The following MDN1 variants were observed in gnomAD, a reference collection of about 807,000 sequenced individuals.
MDN1 encodes the protein midasin AAA ATPase 1.
A neutral mutation model predicts 669.2 loss-of-function variants in MDN1; 266 were observed. The observed-to-expected ratio is 0.40, with a 90% CI of 0.36 to 0.44. The LOEUF is 0.44. Ranked by LOEUF, MDN1 falls within the 20% of genes least tolerant of loss-of-function variation. The pLI is 1.00. For missense variants in MDN1, 5,940 were observed against 6,754.0 expected, an observed-to-expected ratio of 0.88 and a Z score of 4.22; for synonymous variants, 2,385 against 2,457.1, an observed-to-expected ratio of 0.97 and a Z score of 0.87.
intron 97 of MDN1, 56 bp downstream of exon 97, chr6:89,649,968 G>T: frequency 1.9e-6 from 3 of 1,581,416 alleles, no homozygotes; most frequent in Non-Finnish European, 2.6e-6. Context: ...GTGGCCCATG[G>T]AACATAGCTT....
At chr6:89,740,854 A>T (rs1465484753) in intron 31 of MDN1, among the ~76,000 whole-genome samples, 1 of 152,212 alleles carries the variant, frequency 6.6e-6, no homozygotes, top group East Asian at 1.9e-4. Flanking sequence ...CCAGAAAAGA[A>T]ATCTGCAGAG....
chr6:89,785,249 T>G, intron 8 of MDN1, 123 bp from the exon 9 acceptor site: 2 of 681,546 alleles, frequency 2.9e-6, no homozygotes, highest in Non-Finnish European at 2.6e-6. Context: ...TCCCTTCTGT[T>G]TCCAGATACT....
intron 80 of MDN1, 72 bp from the exon 81 acceptor site, chr6:89,672,774 A>C: frequency 6.8e-7 from 1 of 1,472,368 alleles, no homozygotes; most frequent in Non-Finnish European, 9.2e-7. Context: ...TGCCTCTGGA[A>C]ATCATTAAAA....
intron 17 of MDN1, among the ~76,000 whole-genome samples, chr6:89,760,073 A>G (rs1817463027): frequency 6.8e-6 from 1 of 147,058 alleles, no homozygotes; most frequent in African/African-American, 2.5e-5. Context: ...CTCTGTCTCA[A>G]AAAAAAATAA....
rs903149701 is a variant in MDN1, at chr6:89,674,238, G to A, written c.13113C>T (p.Cys4371=). The change falls in exon 79 of 102, where the codon TGC becomes TGT. Residue 4371 remains cysteine (C), a synonymous_variant. Transcript: ENST00000369393. ...PIPGSQLPSG[C]RMRKQDHLWQ... ...AAAGGTGATCCTGTTTCCGCATCCG[G>A]CAACCAGAGGGCAGCTGACTTCCAG... 5 of 1,614,130 alleles carry A rather than the reference G, an allele frequency of 3.1e-6. No individual in the cohort carries two copies. Among genetic ancestry groups the A allele is most frequent in the African/African-American group, 1.3e-5 (1 of 74,936 alleles).
intron 65 of MDN1, 37 bp from the exon 66 acceptor site, chr6:89,688,845 A>G (rs1812194149): frequency 9.1e-6 from 14 of 1,541,770 alleles, no homozygotes; most frequent in Non-Finnish European, 1.2e-5. Context: ...CAGTGAATTC[A>G]GTAAGTTGAT....
chr6:89,805,901 A>G (rs1562239303), intron 1 of MDN1, among the ~76,000 whole-genome samples: 1 of 152,172 alleles, frequency 6.6e-6, no homozygotes. Context: ...CACATTTTCA[A>G]CTGCTGCATG....
Position 89,688,697 on chromosome 6 carries a change from G to A in MDN1, c.11135C>T (p.Pro3712Leu), listed in dbSNP as rs747136761. The A allele has an allele frequency of 6.2e-7, 1 of 1,614,136 alleles. No homozygotes were observed. Among genetic ancestry groups the A allele is most frequent in the East Asian group, 2.2e-5 (1 of 44,888 alleles). The change falls in exon 66 of 102, where the codon CCC becomes CTC. Residue 3712 changes from proline (P) to leucine (L), a missense_variant. Physicochemically the swap from Pro to Leu is moderately conservative, Grantham distance 98. Transcript: ENST00000369393. Reference sequence around the variant, plus strand: ...ATTGGGATGCTGGTAGAAGTCATAGGGCCCATCAGGTTTCACCATCAGGTC... The same window carrying A: ...ATTGGGATGCTGGTAGAAGTCATAGAGCCCATCAGGTTTCACCATCAGGTC... ...PSDLMVKPDGPYDFYQHPNVP... is the reference protein window; with the variant it reads ...PSDLMVKPDGLYDFYQHPNVP...
intron 70 of MDN1, 74 bp from the exon 71 acceptor site, chr6:89,685,059 A>G: frequency 2.2e-6 from 2 of 925,564 alleles, no homozygotes; most frequent in Non-Finnish European, 3.4e-6. Context: ...TGGCCTTCAT[A>G]TTTCAGTGAT....
In MDN1 at chr6:89,745,163, G is replaced by GA. The variant is rs1816539091; in HGVS notation, c.4178+109dup. On this transcript the variant is annotated intron_variant, in intron 29 of 101. Transcript: ENST00000369393. The stretch of plus-strand genomic sequence containing the variant: ...AAAAAAAAAAAAAAAGAAAAAAGAG[G>GA]AAGGAGGAAAGAAGGGGGGATTAAT... 5 of 835,490 alleles carry GA rather than the reference G, an allele frequency of 6.0e-6. No homozygotes were observed. In the East Asian group the frequency reaches 2.7e-4, roughly 46 times the overall value. 51.8% of individuals were successfully genotyped at this position (835,490 alleles called of 1,614,324 possible). A position where few individuals can be genotyped will look rare whatever the true frequency, so the allele number is the denominator to read the frequency against.
In MDN1 at chr6:89,643,744, C is replaced by T; in HGVS notation, c.*261G>A. 1 of 341,330 alleles carries T rather than the reference C, an allele frequency of 2.9e-6. No homozygotes were observed. The highest frequency in any genetic ancestry group is 5.3e-6 in the Non-Finnish European group (1 of 189,388). 21.1% of individuals were successfully genotyped at this position (341,330 alleles called of 1,614,324 possible). On this transcript the variant is annotated 3_prime_UTR_variant, in exon 102 of 102. Transcript: ENST00000369393. The stretch of plus-strand genomic sequence containing the variant: ...CGGTGGGGTATGACCTCCTCCCAGG[C>T]CAGGGCTTCCAAGGCAGGGAAGAAG...
At chr6:89,693,999 A>C in intron 62 of MDN1, 75 bp downstream of exon 62, 1 of 1,198,574 alleles carries the variant, frequency 8.3e-7, no homozygotes, top group African/African-American at 1.5e-5. Context: ...TATCACTTCT[A>C]CTCACACCAT....
chr6:89,758,449 C>T, intron 18 of MDN1, 98 bp from the exon 19 acceptor site: 1 of 974,646 alleles, frequency 1.0e-6, no homozygotes, highest in Non-Finnish European at 1.5e-6. Context: ...CTCACACCAT[C>T]CTTGTCTTTT....
chr6:89,719,258 A>C, intron 40 of MDN1, 33 bp from the exon 41 acceptor site: 3 of 1,550,836 alleles, frequency 1.9e-6, no homozygotes, highest in Middle Eastern at 1.7e-4. Context: ...TGAAAACACA[A>C]ATCACTCCAC....
chr6:89,692,391 C>T (rs1812429147), intron 63 of MDN1, 52 bp downstream of exon 63: 2 of 1,524,952 alleles, frequency 1.3e-6, no homozygotes, highest in South Asian at 1.3e-5. Flanking sequence ...CTGCTGTGAA[C>T]CTGGCTCTCT....
chr6:89,760,078 A>AT (rs1305461441), intron 17 of MDN1, among the ~76,000 whole-genome samples: 1 of 151,874 alleles, frequency 6.6e-6, no homozygotes, highest in African/African-American at 2.4e-5. Context: ...TCTCAAAAAA[A>AT]AATAATAATA....
rs1410554737 is a variant in MDN1 at position 89,653,056 on chromosome 6, G to C, written c.15761C>G (p.Pro5254Arg). Residue 5254 changes from proline to arginine, a missense_variant, in exon 94 of 102, where the codon CCA becomes CGA. By Grantham distance (103) the Pro-to-Arg change is moderately radical. Coordinates refer to ENST00000369393, the MANE Select transcript of MDN1 (RefSeq NM_014611.3). ...AATGGTAGACTCTCGGCTTCTTTCT[G>C]GTTTCTCATTTTCTGTCTCCTTATG... ...KAHKETENEK[P>R]ERSRESTIHT... The C allele has an allele frequency of 1.2e-6, 2 of 1,614,072 alleles. No individual in the cohort carries two copies. The highest frequency in any genetic ancestry group is 4.5e-5 in the East Asian group (2 of 44,870).
intron 19 of MDN1, among the ~76,000 whole-genome samples, 195 bp from the exon 20 acceptor site, chr6:89,756,585 T>G (rs569001734): frequency 6.6e-6 from 1 of 152,224 alleles, no homozygotes; most frequent in African/African-American, 2.4e-5. Flanking sequence ...CATTATTGCT[T>G]CTTCTATGCA....
intron 10 of MDN1, among the ~76,000 whole-genome samples, chr6:89,780,864 T>C (rs1461289377): frequency 6.6e-6 from 1 of 150,966 alleles, no homozygotes; most frequent in Non-Finnish European, 1.5e-5. Context: ...TTGGCCAGGA[T>C]GGTCTCGAAC....
Sources: gnomAD v4.1 joint callset for allele counts (sites outside exome capture counted in the v4.1 genomes callset) on GRCh38, gnomAD v4.1.1 for gene constraint, MANE v1.5 for transcripts, NCBI Gene and HGNC (gene_info 2026-07-23, HGNC 2026-07-21) for gene names.